The following NINL variants were observed in gnomAD, a reference collection of about 807,000 sequenced individuals.
NINL encodes the protein ninein-like protein.
NINL carries 153 observed loss-of-function variants against 160.3 expected under a neutral mutation model. That is an observed-to-expected ratio of 0.95 (90% CI 0.84 to 1.09). The LOEUF (loss-of-function observed/expected upper bound fraction) is 1.09, where lower values mean the gene tolerates loss of function less well. NINL is among the 50% of genes least tolerant of loss of function. The probability of loss-of-function intolerance (pLI) is 0.00; values close to 1 mark genes in which losing one functional copy is unlikely to be tolerated. For missense variants in NINL, 1,829 were observed against 1,764.0 expected (o/e 1.04, Z -0.66); for synonymous variants, 800 against 734.8 (o/e 1.09, Z -1.43).
intron 1 of NINL, among the ~76,000 whole-genome samples, chr20:25,570,278 T>C (rs1179377503): frequency 6.6e-6 from 1 of 152,206 alleles, no homozygotes; most frequent in East Asian, 1.9e-4. Flanking sequence ...TCAACTATAA[T>C]ACTCAATGCC....
chr20:25,501,391 C>A (rs1221485717), intron 7 of NINL, among the ~76,000 whole-genome samples: 1 of 152,206 alleles, frequency 6.6e-6, no homozygotes, highest in African/African-American at 2.4e-5. Context: ...GAGGCAGGGG[C>A]CCATAGAGTC....
intron 3 of NINL, among the ~76,000 whole-genome samples, chr20:25,514,631 A>G (rs558583108): frequency 6.6e-6 from 1 of 152,326 alleles, no homozygotes; most frequent in Admixed American, 6.5e-5. Context: ...AGAGAGCTTC[A>G]TGGCAGTCCC....
intron 1 of NINL, among the ~76,000 whole-genome samples, chr20:25,567,026 G>A (rs2065005775): frequency 1.3e-5 from 2 of 151,048 alleles, no homozygotes; most frequent in Admixed American, 1.3e-4. Context: ...CATACCTATA[G>A]TCCCAGGAGT....
At chr20:25,540,027 C>T (rs1458340350) in intron 1 of NINL, 7 of 1,288,688 alleles carry the variant, frequency 5.4e-6, no homozygotes, top group Non-Finnish European at 6.1e-6. Flanking sequence ...TTTACCTGCG[C>T]AGTTCAGAGG....
Position 25,504,968 on chromosome 20 carries a change from C to T in NINL, c.628G>A (p.Val210Met), listed in dbSNP as rs143641080. The change falls in exon 6 of 24, where the codon GTG (valine) becomes ATG (methionine). Residue 210 changes from valine to methionine, a missense_variant. By Grantham distance (21) the Val-to-Met change is conservative. Transcript: ENST00000278886. ...TCGCTCAGGTGTCCGCTGCTGCCCA[C>T]CCCCAGCTCTTCCCACACGCCCCGG... ...QIRGVWEELG[V>M]GSSGHLSEQE... is the part of the protein sequence containing the mutation. The T allele has an allele frequency of 9.0e-4, 1,445 of 1,613,484 alleles. 3 individuals carry two copies. The highest frequency in any genetic ancestry group is 1.2e-3 in the Middle Eastern group (7 of 5,616).
At chr20:25,483,923 T>G (rs1423250967) in intron 13 of NINL, among the ~76,000 whole-genome samples, 2 of 152,216 alleles carry the variant, frequency 1.3e-5, no homozygotes, top group Admixed American at 1.3e-4. Flanking sequence ...GACTTGTGAC[T>G]GCTTCGACCT....
At chr20:25,536,434 G>C (rs2064557948) in intron 1 of NINL, among the ~76,000 whole-genome samples, 1 of 152,254 alleles carries the variant, frequency 6.6e-6, no homozygotes, top group Non-Finnish European at 1.5e-5. Context: ...GCCAGGGCTG[G>C]GAGCAGTGGC....
chr20:25,585,121 C>A (rs991498999), intron 1 of NINL, among the ~76,000 whole-genome samples: 1 of 152,192 alleles, frequency 6.6e-6, no homozygotes, highest in Non-Finnish European at 1.5e-5. Flanking sequence ...CAAGGCCGCC[C>A]GCCTCAGGCC....
At chr20:25,454,134 A>G (rs2090608184) in intron 23 of NINL, among the ~76,000 whole-genome samples, 2 of 151,840 alleles carry the variant, frequency 1.3e-5, no homozygotes, top group Non-Finnish European at 1.5e-5. Context: ...GAAATTGAGA[A>G]TCTGCTGGGC....
At chr20:25,552,779 GAC>G (rs1431707582) in intron 1 of NINL, among the ~76,000 whole-genome samples, 1 of 152,244 alleles carries the variant, frequency 6.6e-6, no homozygotes, top group African/African-American at 2.4e-5. Context: ...AAAGAAAGGA[GAC>G]ACAGAAAGTA....
At chr20:25,545,762 C>A (rs1197290571) in intron 1 of NINL, among the ~76,000 whole-genome samples, 1 of 152,152 alleles carries the variant, frequency 6.6e-6, no homozygotes, top group Non-Finnish European at 1.5e-5. Context: ...ATTTCTTTGC[C>A]ATATCTTGAA....
rs575052601 is a variant in NINL, at chr20:25,535,488, G to A, written c.-11-8890C>T. Among the ~76,000 whole-genome samples, 13 of 152,224 alleles carry A rather than the reference G, an allele frequency of 8.5e-5. No homozygotes were observed. The South Asian group carries it at 2.7e-3, about 32-fold the overall frequency. On this transcript the variant is annotated intron_variant, in intron 1 of 23. Transcript: ENST00000278886. Reference sequence around the variant, plus strand: ...TTTAACAATTTTATAATGTATACATGAATCAAAACATAATTTTGTACACCA... The same window carrying A: ...TTTAACAATTTTATAATGTATACATAAATCAAAACATAATTTTGTACACCA...
chr20:25,457,141 C>T lies in NINL; in HGVS notation c.3843+1242G>A, dbSNP rs1020207113. Among the ~76,000 whole-genome samples the T allele has an allele frequency of 1.2e-4, 18 of 151,970 alleles. 1 individual carries two copies. Among genetic ancestry groups the T allele is most frequent in the African/African-American group, 2.2e-4 (9 of 41,412 alleles). ...GAGATCAAGACCATCCTGGCCAACA[C>T]GGTGAAACCCCATCTCTACTAAAAT... On this transcript the variant is annotated intron_variant, in intron 22 of 23. Coordinates refer to ENST00000278886, the MANE Select transcript of NINL (RefSeq NM_025176.6).
At chr20:25,491,272 T>C in intron 11 of NINL, 79 bp downstream of exon 11, 1 of 1,498,350 alleles carries the variant, frequency 6.7e-7, no homozygotes. Context: ...TGGATCTGGA[T>C]CCTCAACCAG....
chr20:25,460,981 G>A (rs901652700), intron 21 of NINL, among the ~76,000 whole-genome samples: 2 of 152,160 alleles, frequency 1.3e-5, no homozygotes, highest in African/African-American at 4.8e-5. Flanking sequence ...CATCCCCTGA[G>A]CCGGCTCCCC....
chr20:25,522,212 G>A (rs1191277008), intron 2 of NINL, among the ~76,000 whole-genome samples: 1 of 152,152 alleles, frequency 6.6e-6, no homozygotes, highest in Non-Finnish European at 1.5e-5. Flanking sequence ...CAAGCCTATC[G>A]CAGATTTTTT....
intron 13 of NINL, among the ~76,000 whole-genome samples, chr20:25,485,203 A>G (rs1225746608): frequency 3.3e-5 from 5 of 152,226 alleles, no homozygotes; most frequent in African/African-American, 1.2e-4. Flanking sequence ...AGCAGGTAAC[A>G]TGTTGCTTCG....
At chr20:25,477,571 G>C (rs951565498) in intron 16 of NINL, among the ~76,000 whole-genome samples, 7 of 152,256 alleles carry the variant, frequency 4.6e-5, no homozygotes, top group Admixed American at 1.3e-4. Context: ...GGAGAGTCCA[G>C]TGGAAGTGAA....
At chr20:25,475,485 G>A (rs1487303414) in intron 17 of NINL, among the ~76,000 whole-genome samples, 2 of 152,286 alleles carry the variant, frequency 1.3e-5, no homozygotes, top group East Asian at 3.9e-4. Flanking sequence ...CCCTTATGAT[G>A]CAAAAATTGA....
Sources: allele counts gnomAD v4.1 joint callset (sites outside exome capture counted in the v4.1 genomes callset), GRCh38; gene constraint gnomAD v4.1.1; transcripts MANE v1.5; gene names NCBI Gene and HGNC (gene_info 2026-07-23, HGNC 2026-07-21).